Variants in CTNNA2 observed in about 807,000 individuals in gnomAD.
The protein encoded by CTNNA2 is catenin alpha-2.
A neutral mutation model predicts 101.0 loss-of-function variants in CTNNA2; 42 were observed. The observed-to-expected ratio is 0.42, with a 90% CI of 0.32 to 0.54. The LOEUF (loss-of-function observed/expected upper bound fraction) is 0.54, where lower values mean the gene tolerates loss of function less well. CTNNA2 is among the 20% of genes least tolerant of loss of function. The probability of loss-of-function intolerance (pLI) is 0.14; values close to 1 mark genes in which losing one functional copy is unlikely to be tolerated. For synonymous variants in CTNNA2, 450 were observed against 456.4 expected, an observed-to-expected ratio of 0.99 and a Z score of 0.18; for missense variants, 871 against 1,223.1, an observed-to-expected ratio of 0.71 and a Z score of 4.29.
intron 7 of CTNNA2, among the ~76,000 whole-genome samples, chr2:80,012,930 AGGCT>A (rs1197183467): frequency 6.6e-6 from 1 of 152,122 alleles, no homozygotes; most frequent in African/African-American, 2.4e-5. Context: ...ACTTTGTGGG[AGGCT>A]GGGAGGATCA....
chr2:80,214,520 C>T (rs1708123817), intron 7 of CTNNA2, among the ~76,000 whole-genome samples: 1 of 152,120 alleles, frequency 6.6e-6, no homozygotes, highest in Admixed American at 6.6e-5. Flanking sequence ...TTCTTTTCTT[C>T]AAGAATGTTA....
intron 3 of CTNNA2, among the ~76,000 whole-genome samples, chr2:79,356,234 T>C (rs56057799): frequency 0.028 from 4,323 of 152,092 alleles, 72 homozygotes; most frequent in Non-Finnish European, 0.043. Flanking sequence ...ATATGCTTAT[T>C]GGTCATTTGT....
intron 2 of CTNNA2, among the ~76,000 whole-genome samples, chr2:79,215,952 G>T (rs1482847136): frequency 6.6e-6 from 1 of 152,128 alleles, no homozygotes; most frequent in African/African-American, 2.4e-5. Context: ...GTGACGCTTG[G>T]GGTTGGGACT....
At chr2:79,273,805 CT>C (rs201345581) in intron 2 of CTNNA2, among the ~76,000 whole-genome samples, 8,798 of 145,652 alleles carry the variant, frequency 0.06, 341 homozygotes, top group East Asian at 0.15. Context: ...GCAAGCTGCA[CT>C]TTTTTTTTTT....
intron 7 of CTNNA2, among the ~76,000 whole-genome samples, chr2:80,341,832 C>G (rs941379306): frequency 6.6e-6 from 1 of 152,190 alleles, no homozygotes; most frequent in Non-Finnish European, 1.5e-5. Context: ...CAGCATTATT[C>G]ACAACAGCCA....
At chr2:80,309,428 A>G (rs1677327451) in intron 7 of CTNNA2, among the ~76,000 whole-genome samples, 1 of 152,196 alleles carries the variant, frequency 6.6e-6, no homozygotes, top group Non-Finnish European at 1.5e-5. Flanking sequence ...TGTTCACTTT[A>G]TATGAGTGTG....
chr2:79,845,355 T>G (rs1680154822), intron 3 of CTNNA2, among the ~76,000 whole-genome samples: 1 of 152,036 alleles, frequency 6.6e-6, no homozygotes, highest in African/African-American at 2.4e-5. Flanking sequence ...ACATGGCAAG[T>G]GCTTAATAAA....
At chr2:80,552,599 G>A (rs1000708531) in intron 11 of CTNNA2, among the ~76,000 whole-genome samples, 1 of 151,952 alleles carries the variant, frequency 6.6e-6, no homozygotes, top group African/African-American at 2.4e-5. Flanking sequence ...GAAATGCATC[G>A]TTGGGCAATT....
chr2:79,932,558 T>G (rs1687523285), intron 7 of CTNNA2, among the ~76,000 whole-genome samples: 1 of 152,080 alleles, frequency 6.6e-6, no homozygotes. Flanking sequence ...GAATTTATGA[T>G]GTAAGTGAGC....
At chr2:80,292,862 G>T (rs1473188875) in intron 7 of CTNNA2, among the ~76,000 whole-genome samples, 1 of 152,176 alleles carries the variant, frequency 6.6e-6, no homozygotes, top group African/African-American at 2.4e-5. Context: ...TGGCATTTCA[G>T]TTATAATGTG....
At chr2:79,847,102 T>G (rs1291318294) in intron 3 of CTNNA2, among the ~76,000 whole-genome samples, 3 of 152,190 alleles carry the variant, frequency 2.0e-5, no homozygotes, top group African/African-American at 7.2e-5. Context: ...AGGCAATGGC[T>G]AATGAGCATT....
chr2:79,537,766 G>C (rs939944880), intron 1 of CTNNA2, among the ~76,000 whole-genome samples: 5 of 144,106 alleles, frequency 3.5e-5, no homozygotes, highest in African/African-American at 1.3e-4. Context: ...ACATAATTTT[G>C]TTTAGCACAT....
chr2:79,473,123 T>C (rs1214638458), intron 4 of CTNNA2, among the ~76,000 whole-genome samples: 1 of 152,130 alleles, frequency 6.6e-6, no homozygotes, highest in Non-Finnish European at 1.5e-5. Flanking sequence ...TCCAAGAAAA[T>C]GGAGGCTTTG....
intron 9 of CTNNA2, among the ~76,000 whole-genome samples, chr2:80,469,729 G>A (rs1368849863): frequency 3.9e-5 from 6 of 152,090 alleles, no homozygotes; most frequent in South Asian, 2.1e-4. Context: ...CTTATGGGGG[G>A]TATAGTCTAG....
At chr2:79,679,302 C>A (rs1004356837) in intron 2 of CTNNA2, among the ~76,000 whole-genome samples, 3 of 152,140 alleles carry the variant, frequency 2.0e-5, no homozygotes, top group African/African-American at 7.2e-5. Context: ...ATTCCCTAGG[C>A]CACAACCAAC....
chr2:80,021,206 G>A (rs1558735403), intron 7 of CTNNA2, among the ~76,000 whole-genome samples: 1 of 151,690 alleles, frequency 6.6e-6, no homozygotes, highest in Admixed American at 6.6e-5. Flanking sequence ...TTTTTGTAGA[G>A]ACAAGGTTTC....
At chr2:79,251,180 G>A (rs571063346) in intron 2 of CTNNA2, among the ~76,000 whole-genome samples, 3 of 152,268 alleles carry the variant, frequency 2.0e-5, no homozygotes, top group East Asian at 1.9e-4. Context: ...TGGTCAGCAA[G>A]AGGAGTGTTG....
intron 6 of CTNNA2, among the ~76,000 whole-genome samples, chr2:79,881,972 C>G (rs1263883066): frequency 6.6e-6 from 1 of 151,350 alleles, no homozygotes; most frequent in Non-Finnish European, 1.5e-5. Flanking sequence ...TTTAGTGCCC[C>G]TTTCAGGAGC....
At chr2:79,825,617 G>A (rs998097385) in intron 3 of CTNNA2, among the ~76,000 whole-genome samples, 45 of 151,904 alleles carry the variant, frequency 3.0e-4, no homozygotes, top group Admixed American at 2.6e-4. Flanking sequence ...AGATTAAGAA[G>A]GCCTATGACA....
Sources: allele counts gnomAD v4.1 joint callset (sites outside exome capture counted in the v4.1 genomes callset), GRCh38; gene constraint gnomAD v4.1.1; transcripts MANE v1.5; gene names NCBI Gene and HGNC (gene_info 2026-07-23, HGNC 2026-07-21).